DACH2: variants seen among roughly 807,000 people sequenced by gnomAD.
DACH2 encodes the protein dachshund family transcription factor 2, also known as dachshund homolog 2.
DACH2 carries 17 observed loss-of-function variants against 35.8 expected under a neutral mutation model. The observed-to-expected ratio is 0.48, with a 90% CI of 0.33 to 0.71. The LOEUF (loss-of-function observed/expected upper bound fraction) is 0.71. DACH2 is among the 30% of genes least tolerant of loss of function. DACH2 has a pLI of 0.02. For missense variants in DACH2, 469 were observed against 472.7 expected, an observed-to-expected ratio of 0.99 and a Z score of 0.07; for synonymous variants, 195 against 177.3, an observed-to-expected ratio of 1.10 and a Z score of -0.79.
At chrX:86,594,936 CT>C (rs1347831917) in intron 3 of DACH2, among the ~76,000 whole-genome samples, 1 of 111,161 alleles carries the variant, frequency 9.0e-6, no homozygotes, top group Non-Finnish European at 1.9e-5. Flanking sequence ...TCAGTTTTGC[CT>C]CATGTATCTT....
chrX:86,394,608 A>G lies in DACH2; in HGVS notation c.527+17746A>G, dbSNP rs1276163083. ...AAAGATCTTTTGCTTATAAGCTATG[A>G]AAGAATATTTTTGTTTGTAATGCCA... On this transcript the variant is annotated intron_variant, in intron 2 of 11. Coordinates refer to ENST00000373125, the MANE Select transcript of DACH2 (RefSeq NM_053281.3). Among the ~76,000 whole-genome samples the G allele has an allele frequency of 5.4e-5, 6 of 111,979 alleles. No individual in the cohort carries two copies. In the East Asian group the frequency reaches 1.7e-3, roughly 32 times the overall value.
Position 86,452,287 on chromosome X carries a change from T to C in DACH2, c.528-61992T>C, listed in dbSNP as rs1030768053. Among the ~76,000 whole-genome samples the C allele has an allele frequency of 3.6e-5, 4 of 111,596 alleles. No individual in the cohort carries two copies. In the Admixed American group the frequency reaches 3.8e-4, roughly 11 times the overall value. ...ATCAAGTATATTGACTTGAGTATTA[T>C]ATTTTATTGTATTTCTGCCAGGTTT... On this transcript the variant is annotated intron_variant, in intron 2 of 11. Coordinates refer to ENST00000373125, the MANE Select transcript of DACH2 (RefSeq NM_053281.3).
At chrX:86,692,913 T>C (rs778392979) in intron 4 of DACH2, among the ~76,000 whole-genome samples, 1 of 112,118 alleles carries the variant, frequency 8.9e-6, no homozygotes, top group African/African-American at 3.2e-5. Flanking sequence ...AGTGTTGCAG[T>C]GGTTACTTTC....
At chrX:86,456,097 A>C (rs1480771405) in intron 2 of DACH2, among the ~76,000 whole-genome samples, 2 of 112,210 alleles carry the variant, frequency 1.8e-5, no homozygotes, top group African/African-American at 6.5e-5. Flanking sequence ...CTTTGGCTCC[A>C]TGCCACTCGT....
At chrX:86,434,826 A>T (rs2037041370) in intron 2 of DACH2, among the ~76,000 whole-genome samples, 1 of 111,747 alleles carries the variant, frequency 8.9e-6, no homozygotes, top group African/African-American at 3.3e-5. Flanking sequence ...TGGTGCTGAC[A>T]TCTGCTCAGC....
intron 1 of DACH2, among the ~76,000 whole-genome samples, chrX:86,348,972 G>A (rs890725665): frequency 4.5e-5 from 5 of 112,135 alleles, no homozygotes; most frequent in African/African-American, 1.6e-4. Flanking sequence ...GCCCCAGTGG[G>A]CATGCTACAG....
intron 1 of DACH2, among the ~76,000 whole-genome samples, chrX:86,323,771 G>A (rs1012856856): frequency 1.8e-5 from 2 of 111,244 alleles, no homozygotes; most frequent in Non-Finnish European, 3.8e-5. Flanking sequence ...AACTTGCTTG[G>A]ACAGAGCCAA....
chrX:86,429,535 ATTTCTTTTCTTTTCT>A (rs144228984), intron 2 of DACH2, among the ~76,000 whole-genome samples: 7 of 101,505 alleles, frequency 6.9e-5, no homozygotes, highest in Middle Eastern at 4.9e-3. Flanking sequence ...TCTAGAGTGC[ATTTCTTTTCTTTTCT>A]TTTCTTTTCT....
At chrX:86,367,079 G>C (rs1365783614) in intron 1 of DACH2, among the ~76,000 whole-genome samples, 1 of 110,922 alleles carries the variant, frequency 9.0e-6, no homozygotes, top group Non-Finnish European at 1.9e-5. Flanking sequence ...TGTGAAGACA[G>C]GATAGAATCC....
chrX:86,330,097 T>A (rs990171643), intron 1 of DACH2, among the ~76,000 whole-genome samples: 1 of 112,123 alleles, frequency 8.9e-6, no homozygotes, highest in Non-Finnish European at 1.9e-5. Context: ...AATATTTGCT[T>A]TGGATGACAG....
chrX:86,309,547 C>T (rs1029274442), intron 1 of DACH2, among the ~76,000 whole-genome samples: 13 of 111,659 alleles, frequency 1.2e-4, no homozygotes, highest in Non-Finnish European at 2.4e-4. Flanking sequence ...TGGTCCATTA[C>T]ATTGATGACA....
At chrX:86,486,952 A>G (rs1278542135) in intron 2 of DACH2, among the ~76,000 whole-genome samples, 1 of 112,065 alleles carries the variant, frequency 8.9e-6, no homozygotes, top group Non-Finnish European at 1.9e-5. Flanking sequence ...GGGCTATGTG[A>G]TGGGATCAAA....
chrX:86,805,783 C>G (rs1203968687), intron 7 of DACH2, among the ~76,000 whole-genome samples: 1 of 111,938 alleles, frequency 8.9e-6, no homozygotes, highest in Non-Finnish European at 1.9e-5. Context: ...CCACAGATCC[C>G]TAGAGCAGGC....
At chrX:86,684,169 G>C (rs1168699578) in intron 4 of DACH2, among the ~76,000 whole-genome samples, 1 of 111,661 alleles carries the variant, frequency 9.0e-6, no homozygotes, top group African/African-American at 3.3e-5. Flanking sequence ...GGCCACAAAA[G>C]ATCATAATGC....
intron 1 of DACH2, among the ~76,000 whole-genome samples, chrX:86,175,821 A>G (rs777111317): frequency 5.4e-5 from 6 of 111,113 alleles, no homozygotes; most frequent in African/African-American, 2.0e-4. Flanking sequence ...AATTGTTTCA[A>G]TTTTCTCAAT....
intron 2 of DACH2, among the ~76,000 whole-genome samples, chrX:86,442,986 T>A (rs2037195617): frequency 8.9e-6 from 1 of 112,052 alleles, no homozygotes; most frequent in African/African-American, 3.2e-5. Context: ...AACTTTGTAA[T>A]ATATTTGGAA....
chrX:86,367,317 T>G (rs933209125), intron 1 of DACH2, among the ~76,000 whole-genome samples: 1 of 111,784 alleles, frequency 8.9e-6, no homozygotes, highest in East Asian at 2.8e-4. Flanking sequence ...TACTGATTTA[T>G]TCTATGAATG....
At chrX:86,342,301 C>T (rs1291035153) in intron 1 of DACH2, among the ~76,000 whole-genome samples, 2 of 110,384 alleles carry the variant, frequency 1.8e-5, no homozygotes, top group Non-Finnish European at 3.8e-5. Context: ...GAGTTCAAGA[C>T]CAGATGGCGT....
chrX:86,493,843 T>C (rs984467574), intron 2 of DACH2, among the ~76,000 whole-genome samples: 1 of 112,069 alleles, frequency 8.9e-6, no homozygotes, highest in Non-Finnish European at 1.9e-5. Context: ...ATACATTAGA[T>C]AGATGAAGGG....
Sources: allele counts gnomAD v4.1 joint callset (sites outside exome capture counted in the v4.1 genomes callset), GRCh38; gene constraint gnomAD v4.1.1; transcripts MANE v1.5; gene names NCBI Gene and HGNC (gene_info 2026-07-23, HGNC 2026-07-21).